The following ATXN1 variants were observed in gnomAD, a reference collection of about 807,000 sequenced individuals.
The protein encoded by ATXN1 is ataxin-1.
Under a neutral mutation model 56.4 loss-of-function variants are expected in ATXN1, and 8 were observed. The ratio of observed to expected loss-of-function variants is 0.14; its 90% confidence interval spans 0.08 to 0.26. The LOEUF (loss-of-function observed/expected upper bound fraction) is 0.26. Ranked by LOEUF, ATXN1 falls within the 10% of genes least tolerant of loss-of-function variation. The pLI is 1.00. For synonymous variants in ATXN1, 514 were observed against 494.6 expected, an observed-to-expected ratio of 1.04 and a Z score of -0.52; for missense variants, 987 against 1,106.5, an observed-to-expected ratio of 0.89 and a Z score of 1.53.
intron 2 of ATXN1, among the ~76,000 whole-genome samples, chr6:16,671,305 CTTTCTTTT>C (rs1056524313): frequency 5.4e-5 from 4 of 73,512 alleles, no homozygotes; most frequent in African/African-American, 2.3e-4. Flanking sequence ...CTTTTCTTTT[CTTTCTTTT>C]TTTTTTTTTT....
intron 5 of ATXN1, among the ~76,000 whole-genome samples, chr6:16,504,273 C>T (rs1760940324): frequency 6.6e-6 from 1 of 152,218 alleles, no homozygotes; most frequent in Non-Finnish European, 1.5e-5. Flanking sequence ...AGCTTTCACT[C>T]CTGGGACTGG....
chr6:16,308,253 G>A (rs1760302089), intron 7 of ATXN1, among the ~76,000 whole-genome samples: 1 of 151,964 alleles, frequency 6.6e-6, no homozygotes, highest in Non-Finnish European at 1.5e-5. Flanking sequence ...TTGAACCCGG[G>A]AGGCGGAGGC....
intron 3 of ATXN1, among the ~76,000 whole-genome samples, chr6:16,647,572 A>C (rs1763821874): frequency 2.0e-5 from 3 of 152,254 alleles, no homozygotes; most frequent in Non-Finnish European, 4.4e-5. Flanking sequence ...AATATACAGC[A>C]CAGTGACTAT....
chr6:16,310,789 C>T (rs1760371029), intron 7 of ATXN1, among the ~76,000 whole-genome samples: 1 of 152,198 alleles, frequency 6.6e-6, no homozygotes, highest in Admixed American at 6.5e-5. Context: ...GTCAGGCCTC[C>T]ATTGGATTTT....
intron 2 of ATXN1, among the ~76,000 whole-genome samples, chr6:16,698,306 T>C (rs559409587): frequency 6.6e-6 from 1 of 152,166 alleles, no homozygotes; most frequent in Non-Finnish European, 1.5e-5. Context: ...TGAAATGAAT[T>C]TTCTTTAGAG....
chr6:16,697,053 C>T (rs1202131255), intron 2 of ATXN1, among the ~76,000 whole-genome samples: 1 of 152,172 alleles, frequency 6.6e-6, no homozygotes, highest in Non-Finnish European at 1.5e-5. Flanking sequence ...AGCACCAACA[C>T]CACCACGTTA....
chr6:16,687,657 T>TATACACACAC (rs1758945591), intron 2 of ATXN1, among the ~76,000 whole-genome samples: 1 of 143,294 alleles, frequency 7.0e-6, no homozygotes, highest in South Asian at 2.3e-4. Context: ...AAAGAAGAAA[T>TATACACACAC]ACACACACAC....
At chr6:16,620,290 C>CAA (rs1359816322) in intron 3 of ATXN1, among the ~76,000 whole-genome samples, 2 of 151,812 alleles carry the variant, frequency 1.3e-5, no homozygotes, top group Non-Finnish European at 2.9e-5. Flanking sequence ...CACACACACA[C>CAA]ACACACACAC....
rs188795761 is a variant in ATXN1 at position 16,618,815 on chromosome 6, G to T, written c.-488-32908C>A. 2.7e-5 allele frequency among the ~76,000 whole-genome samples: 4 copies of T among 148,838 alleles called. No individual in the cohort carries two copies. In the East Asian group the frequency reaches 6.0e-4, roughly 22 times the overall value. ...ATATGCTTGACTACACAGATATTTT[G>T]ATTTTGTAAATAAAAATCAACGTAA... On this transcript the variant is annotated intron_variant, in intron 3 of 7. Coordinates refer to ENST00000436367, the MANE Select transcript of ATXN1 (RefSeq NM_001128164.2).
At chr6:16,309,165 T>C (rs1052374352) in intron 7 of ATXN1, among the ~76,000 whole-genome samples, 8 of 150,692 alleles carry the variant, frequency 5.3e-5, no homozygotes, top group Non-Finnish European at 1.2e-4. Context: ...GAGTTAGAGG[T>C]TGCAGTGAGC....
chr6:16,438,619 T>C (rs1759441601), intron 6 of ATXN1, among the ~76,000 whole-genome samples: 1 of 152,222 alleles, frequency 6.6e-6, no homozygotes, highest in Non-Finnish European at 1.5e-5. Context: ...TGTCTTTCTG[T>C]AGACTCAGAG....
chr6:16,367,112 G>A (rs1002179548), intron 6 of ATXN1, among the ~76,000 whole-genome samples: 10 of 152,204 alleles, frequency 6.6e-5, no homozygotes, highest in Admixed American at 5.9e-4. Flanking sequence ...ATTCAATAGT[G>A]CTGCTGTTAT....
At chr6:16,366,775 T>C (rs1761929539) in intron 6 of ATXN1, among the ~76,000 whole-genome samples, 2 of 147,274 alleles carry the variant, frequency 1.4e-5, no homozygotes, top group Admixed American at 6.7e-5. Context: ...AGTGAGACTC[T>C]GTCTGAAAAA....
chr6:16,560,146 G>A (rs965794533), intron 4 of ATXN1, among the ~76,000 whole-genome samples: 20 of 152,150 alleles, frequency 1.3e-4, no homozygotes, highest in Non-Finnish European at 2.2e-4. Context: ...CTTATTCTGC[G>A]TAGCTGAATT....
intron 2 of ATXN1, among the ~76,000 whole-genome samples, chr6:16,670,634 A>AT (rs1342241235): frequency 6.6e-6 from 1 of 152,236 alleles, no homozygotes; most frequent in African/African-American, 2.4e-5. Flanking sequence ...ACTTTTAATC[A>AT]TTAAAAATGA....
At chr6:16,608,610 A>C (rs1447413982) in intron 3 of ATXN1, among the ~76,000 whole-genome samples, 4 of 152,220 alleles carry the variant, frequency 2.6e-5, no homozygotes, top group Non-Finnish European at 5.9e-5. Context: ...GCCAAATGCC[A>C]CTGGGAAAAG....
chr6:16,372,196 T>C (rs1337160223), intron 6 of ATXN1, among the ~76,000 whole-genome samples: 1 of 152,092 alleles, frequency 6.6e-6, no homozygotes. Flanking sequence ...AAGAAGGAGA[T>C]TGTGCCTTGG....
intron 5 of ATXN1, among the ~76,000 whole-genome samples, chr6:16,514,432 G>C (rs917475521): frequency 7.9e-5 from 12 of 152,230 alleles, no homozygotes; most frequent in African/African-American, 2.6e-4. Context: ...GGTGGATGGT[G>C]AACCCTCTCT....
At chr6:16,398,081 A>G (rs1413275368) in intron 6 of ATXN1, among the ~76,000 whole-genome samples, 1 of 152,216 alleles carries the variant, frequency 6.6e-6, no homozygotes, top group Non-Finnish European at 1.5e-5. Flanking sequence ...TCTGTCATGA[A>G]AATGGGACTT....
Sources: gnomAD v4.1 joint callset for allele counts (sites outside exome capture counted in the v4.1 genomes callset) on GRCh38, gnomAD v4.1.1 for gene constraint, MANE v1.5 for transcripts, NCBI Gene and HGNC (gene_info 2026-07-23, HGNC 2026-07-21) for gene names.